Variants in HMG20A observed in about 807,000 individuals in gnomAD.
The protein encoded by HMG20A is high mobility group protein 20A.
In HMG20A, 17 loss-of-function variants were observed where a neutral mutation model predicts 43.9. The observed-to-expected ratio is 0.39, with a 90% CI of 0.27 to 0.58. HMG20A has a LOEUF of 0.58. Ranked by LOEUF, HMG20A falls within the 20% of genes least tolerant of loss-of-function variation. The pLI is 0.59. For missense variants in HMG20A, 341 were observed against 438.2 expected (o/e 0.78, Z 1.98); for synonymous variants, 132 against 147.5 (o/e 0.89, Z 0.76).
intron 5 of HMG20A, 76 bp from the exon 6 acceptor site, chr15:77,471,707 G>T: frequency 2.3e-6 from 2 of 870,014 alleles, no homozygotes; most frequent in South Asian, 2.8e-5. Flanking sequence ...TTTATAGTTT[G>T]GCAGAGTCGT....
chr15:77,512,551 G>A, the HMG20A span, among the ~76,000 whole-genome samples: 1 of 152,094 alleles, frequency 6.6e-6, no homozygotes, highest in African/African-American at 2.4e-5. Context: ...ATTAACACAA[G>A]TAAGTATATG....
downstream of HMG20A, among the ~76,000 whole-genome samples, chr15:77,489,407 A>G (rs936215361): frequency 1.3e-5 from 2 of 152,224 alleles, no homozygotes; most frequent in African/African-American, 4.8e-5. Flanking sequence ...ATTCCACTAT[A>G]GCCGTACTGT....
chr15:77,482,474 TG>T (rs979944114), intron 9 of HMG20A: 24 of 152,212 alleles, frequency 1.6e-4, no homozygotes, highest in African/African-American at 5.5e-4. Flanking sequence ...TGATAATATT[TG>T]GCTGTTTGAG....
the HMG20A span, among the ~76,000 whole-genome samples, chr15:77,515,255 G>A: frequency 6.6e-6 from 1 of 152,138 alleles, no homozygotes; most frequent in African/African-American, 2.4e-5. Flanking sequence ...AAGGGGGAGT[G>A]TATGTCTTTT....
chr15:77,476,570 T>C (rs964229633), intron 6 of HMG20A, among the ~76,000 whole-genome samples: 4 of 151,274 alleles, frequency 2.6e-5, no homozygotes, highest in Admixed American at 6.6e-5. Flanking sequence ...CAATTGTTTA[T>C]AGGAATGAAA....
chr15:77,438,658 G>A (rs1352032235), intron 1 of HMG20A, among the ~76,000 whole-genome samples: 5 of 152,074 alleles, frequency 3.3e-5, no homozygotes, highest in South Asian at 2.1e-4. Context: ...TTAATTGTAC[G>A]TTTGGTAGAA....
chr15:77,500,813 C>A, the HMG20A span, among the ~76,000 whole-genome samples: 1 of 152,284 alleles, frequency 6.6e-6, no homozygotes, highest in East Asian at 1.9e-4. Flanking sequence ...AGGGGATCCA[C>A]CTGCCTTGGC....
chr15:77,478,558 G>A (rs1157284027), intron 8 of HMG20A, 48 bp downstream of exon 8: 1 of 1,465,722 alleles, frequency 6.8e-7, no homozygotes, highest in Admixed American at 1.7e-5. Context: ...TGTGTGTGTT[G>A]TGTGGAGTGG....
At chr15:77,472,922 A>G (rs999361503) in intron 6 of HMG20A, among the ~76,000 whole-genome samples, 9 of 152,284 alleles carry the variant, frequency 5.9e-5, no homozygotes, top group African/African-American at 2.2e-4. Context: ...ATCCAACCCC[A>G]TACCACCTAT....
chr15:77,475,275 T>C (rs183693220), intron 6 of HMG20A, among the ~76,000 whole-genome samples: 7 of 152,336 alleles, frequency 4.6e-5, no homozygotes, highest in African/African-American at 1.7e-4. Context: ...TTCCATTAAG[T>C]AGAATTTCTC....
chr15:77,423,726 C>T (rs1445892574), intron 1 of HMG20A, among the ~76,000 whole-genome samples: 1 of 152,166 alleles, frequency 6.6e-6, no homozygotes, highest in Non-Finnish European at 1.5e-5. Context: ...TTCATTCTTT[C>T]ATCTACTTTA....
intron 4 of HMG20A, among the ~76,000 whole-genome samples, chr15:77,468,552 T>C (rs2072777462): frequency 6.6e-6 from 1 of 151,820 alleles, no homozygotes; most frequent in Non-Finnish European, 1.5e-5. Flanking sequence ...GTCTTTCTTA[T>C]ACTTTTGCAT....
chr15:77,504,374 G>T, the HMG20A span, among the ~76,000 whole-genome samples: 1 of 152,258 alleles, frequency 6.6e-6, no homozygotes, highest in Admixed American at 6.5e-5. Context: ...CCAAGCTGCA[G>T]TCTGGGAGGC....
chr15:77,441,256 T>A (rs1276285074), intron 1 of HMG20A, among the ~76,000 whole-genome samples: 3 of 152,106 alleles, frequency 2.0e-5, no homozygotes, highest in Admixed American at 1.3e-4. Flanking sequence ...TCCAGAGCCC[T>A]CAGTATAAAC....
At chr15:77,490,665 AAAG>A in the HMG20A span, among the ~76,000 whole-genome samples, 4 of 152,210 alleles carry the variant, frequency 2.6e-5, no homozygotes, top group South Asian at 2.1e-4. Flanking sequence ...TCTATAAGAA[AAAG>A]AAGAAGAATG....
In HMG20A at chr15:77,421,757, T is replaced by G. The variant is rs184709758; in HGVS notation, c.-5+753T>G. ...TGACATCTTAAATTATTAGGACTGT[T>G]GATTTTGGGCTACAGGTTTTGCCCT... On this transcript the variant is annotated intron_variant, in intron 1 of 9. Coordinates refer to ENST00000336216, the MANE Select transcript of HMG20A (RefSeq NM_001304504.2). 7.4e-4 allele frequency among the ~76,000 whole-genome samples: 112 copies of G among 152,362 alleles called. 1 individual carries two copies. The highest frequency in any genetic ancestry group is 2.6e-3 in the African/African-American group (110 of 41,586).
intron 1 of HMG20A, among the ~76,000 whole-genome samples, chr15:77,442,629 A>T (rs2073624860): frequency 2.0e-5 from 3 of 152,114 alleles, no homozygotes; most frequent in Non-Finnish European, 4.4e-5. Context: ...CCTAATTCTG[A>T]TGAGAGAGAG....
intron 1 of HMG20A, among the ~76,000 whole-genome samples, chr15:77,452,562 T>C (rs933310534): frequency 2.6e-5 from 4 of 152,188 alleles, no homozygotes; most frequent in African/African-American, 9.6e-5. Flanking sequence ...CAAATGGCAG[T>C]TGCAGAGATG....
downstream of HMG20A, among the ~76,000 whole-genome samples, chr15:77,488,780 A>G (rs866495904): frequency 1.3e-5 from 2 of 152,374 alleles, no homozygotes; most frequent in Admixed American, 6.5e-5. Context: ...TTTAAAAATT[A>G]AAATGAGAAA....
Sources: gnomAD v4.1 joint callset for allele counts (sites outside exome capture counted in the v4.1 genomes callset) on GRCh38, gnomAD v4.1.1 for gene constraint, MANE v1.5 for transcripts, NCBI Gene and HGNC (gene_info 2026-07-23, HGNC 2026-07-21) for gene names.